Variants in PSMB7 observed in about 807,000 individuals in gnomAD.
PSMB7 encodes proteasome subunit beta type-7.
A neutral mutation model predicts 28.1 loss-of-function variants in PSMB7; 5 were observed. The observed-to-expected ratio is 0.18, with a 90% CI of 0.09 to 0.37. The LOEUF is 0.37. PSMB7 is among the 10% of genes least tolerant of loss of function. The pLI is 1.00. For missense variants in PSMB7, 275 were observed against 346.2 expected (o/e 0.79, Z 1.63); for synonymous variants, 122 against 123.7 (o/e 0.99, Z 0.09).
chr9:124,411,922 TTATAAA>T (rs1177011150), intron 4 of PSMB7, among the ~76,000 whole-genome samples: 5 of 152,232 alleles, frequency 3.3e-5, no homozygotes, highest in Non-Finnish European at 7.4e-5. Context: ...TGACAGCCAA[TTATAAA>T]TATCACTTTT....
chr9:124,373,893 G>T (rs1429294547), intron 6 of PSMB7, among the ~76,000 whole-genome samples: 1 of 152,118 alleles, frequency 6.6e-6, no homozygotes, highest in Non-Finnish European at 1.5e-5. Flanking sequence ...CTTGCTCCTA[G>T]AATTTCTCTT....
intron 3 of PSMB7, among the ~76,000 whole-genome samples, chr9:124,413,574 G>A (rs1320940173): frequency 1.3e-5 from 2 of 152,012 alleles, no homozygotes; most frequent in African/African-American, 4.8e-5. Context: ...CAATAGTCCA[G>A]CTAAGAAAAA....
chr9:124,382,768 A>G (rs1830681559), intron 6 of PSMB7, among the ~76,000 whole-genome samples: 1 of 152,184 alleles, frequency 6.6e-6, no homozygotes, highest in Admixed American at 6.5e-5. Flanking sequence ...TACTTCCCAA[A>G]ATCACATCAA....
intron 2 of PSMB7, among the ~76,000 whole-genome samples, chr9:124,414,622 A>AAG (rs1564688712): frequency 1.3e-5 from 2 of 151,644 alleles, no homozygotes; most frequent in African/African-American, 2.4e-5. Context: ...AAAAAAAAAA[A>AAG]AAAGAAAGAA....
chr9:124,363,934 G>C (rs1182125419), intron 6 of PSMB7, among the ~76,000 whole-genome samples: 3 of 152,146 alleles, frequency 2.0e-5, no homozygotes, highest in Admixed American at 1.3e-4. Context: ...CCCAGAATGA[G>C]GACAGCCCTG....
intron 6 of PSMB7, among the ~76,000 whole-genome samples, chr9:124,376,868 A>G (rs866082719): frequency 1.3e-5 from 2 of 152,134 alleles, no homozygotes; most frequent in African/African-American, 2.4e-5. Context: ...CTACGGCCCA[A>G]TTTTCTTCTC....
intron 4 of PSMB7, among the ~76,000 whole-genome samples, chr9:124,406,815 T>C (rs908161318): frequency 2.0e-5 from 3 of 152,084 alleles, no homozygotes; most frequent in Non-Finnish European, 4.4e-5. Flanking sequence ...TCCATTTCTA[T>C]AGATTCCTTT....
At chr9:124,360,594 A>C (rs928949285) in intron 6 of PSMB7, among the ~76,000 whole-genome samples, 23 of 152,238 alleles carry the variant, frequency 1.5e-4, no homozygotes, top group Non-Finnish European at 2.4e-4. Flanking sequence ...CTCGTTACCA[A>C]AAAATGGCCC....
chr9:124,393,287 C>T (rs1349739754), intron 5 of PSMB7, among the ~76,000 whole-genome samples: 1 of 152,178 alleles, frequency 6.6e-6, no homozygotes, highest in Non-Finnish European at 1.5e-5. Context: ...TAAGTCCTGG[C>T]CAAAAGCTTC....
chr9:124,382,057 C>T (rs1830672269), intron 6 of PSMB7, among the ~76,000 whole-genome samples: 1 of 151,740 alleles, frequency 6.6e-6, no homozygotes, highest in South Asian at 2.1e-4. Context: ...TCAGGAGTTC[C>T]AGACCCACCT....
chr9:124,412,602 T>C (rs1194953889), intron 3 of PSMB7, 110 bp from the exon 4 acceptor site: 2 of 1,141,166 alleles, frequency 1.8e-6, no homozygotes, highest in African/African-American at 3.1e-5. Flanking sequence ...AGAGATGTTT[T>C]TGAGTATATC....
intron 6 of PSMB7, among the ~76,000 whole-genome samples, chr9:124,371,035 G>A (rs1241390788): frequency 6.6e-6 from 1 of 152,134 alleles, no homozygotes; most frequent in African/African-American, 2.4e-5. Context: ...CACCACACAA[G>A]TACAATAAAC....
chr9:124,414,622 A>AG (rs200327806), intron 2 of PSMB7, among the ~76,000 whole-genome samples: 2,043 of 151,746 alleles, frequency 0.013, 49 homozygotes, highest in South Asian at 0.089. Flanking sequence ...AAAAAAAAAA[A>AG]AAAGAAAGAA....
At chr9:124,375,796 C>T (rs962976477) in intron 6 of PSMB7, among the ~76,000 whole-genome samples, 14 of 152,152 alleles carry the variant, frequency 9.2e-5, no homozygotes, top group African/African-American at 3.4e-4. Context: ...GAAGGTGCTT[C>T]GGCTAAACAC....
At chr9:124,358,437 C>G (rs770924525) in intron 6 of PSMB7, among the ~76,000 whole-genome samples, 7 of 152,188 alleles carry the variant, frequency 4.6e-5, no homozygotes, top group Non-Finnish European at 8.8e-5. Context: ...GCCAATTCTT[C>G]TTTTGTACAT....
At chr9:124,357,779 G>A (rs1830426307) in intron 6 of PSMB7, among the ~76,000 whole-genome samples, 1 of 152,200 alleles carries the variant, frequency 6.6e-6, no homozygotes, top group South Asian at 2.1e-4. Context: ...CCCCCTAGGG[G>A]CTTAAGAGTC....
rs540366409 is a variant in PSMB7 at position 124,399,489 on chromosome 9, T to G, written c.511+5828A>C. On this transcript the variant is annotated intron_variant, in intron 5 of 7. Transcript: ENST00000259457. The stretch of plus-strand genomic sequence containing the variant: ...ACACTCCAGGCAGAAAATGTGTTTC[T>G]GAAAGGAGGCAGCAACAGCTGTTAG... Among the ~76,000 whole-genome samples, 470 of 152,226 alleles carry G rather than the reference T, an allele frequency of 3.1e-3. 2 individuals are homozygous for G. The highest frequency in any genetic ancestry group is 0.011 in the African/African-American group (452 of 41,524).
intron 6 of PSMB7, among the ~76,000 whole-genome samples, chr9:124,360,608 A>G (rs1194690617): frequency 6.6e-6 from 1 of 152,250 alleles, no homozygotes; most frequent in African/African-American, 2.4e-5. Context: ...ATGGCCCTCC[A>G]GGCCAACAGC....
intron 6 of PSMB7, among the ~76,000 whole-genome samples, chr9:124,369,638 C>T (rs1179150396): frequency 6.6e-6 from 1 of 152,224 alleles, no homozygotes; most frequent in Non-Finnish European, 1.5e-5. Flanking sequence ...ACTTTAGACA[C>T]TGTCTGCCAT....
Sources: allele counts gnomAD v4.1 joint callset (sites outside exome capture counted in the v4.1 genomes callset), GRCh38; gene constraint gnomAD v4.1.1; transcripts MANE v1.5; gene names NCBI Gene and HGNC (gene_info 2026-07-23, HGNC 2026-07-21).